Variants in DLG2 observed in about 807,000 individuals in gnomAD.
DLG2 encodes disks large homolog 2.
In DLG2, 45 loss-of-function variants were observed where a neutral mutation model predicts 132.5. That is an observed-to-expected ratio of 0.34 (90% CI 0.27 to 0.44). The LOEUF (loss-of-function observed/expected upper bound fraction) is 0.44, where lower values mean the gene tolerates loss of function less well. Ranked by LOEUF, DLG2 falls within the 20% of genes least tolerant of loss-of-function variation. The pLI, the probability that DLG2 is intolerant of heterozygous loss-of-function variation, is 1.00. For missense variants in DLG2, 1,045 were observed against 1,196.9 expected (o/e 0.87, Z 1.87); for synonymous variants, 424 against 419.6 (o/e 1.01, Z -0.13).
At chr11:84,571,502 T>C (rs1275384118) in intron 6 of DLG2, among the ~76,000 whole-genome samples, 2 of 152,044 alleles carry the variant, frequency 1.3e-5, no homozygotes, top group Non-Finnish European at 2.9e-5. Context: ...ATGCCATGCT[T>C]GGTCTCTACT....
At chr11:85,353,959 C>T (rs1266145179) in intron 3 of DLG2, among the ~76,000 whole-genome samples, 1 of 150,432 alleles carries the variant, frequency 6.6e-6, no homozygotes, top group Non-Finnish European at 1.5e-5. Context: ...GCACGTCGTG[C>T]ACATGTACCC....
chr11:84,183,331 T>C (rs1225956695), intron 8 of DLG2, among the ~76,000 whole-genome samples: 1 of 152,180 alleles, frequency 6.6e-6, no homozygotes, highest in Non-Finnish European at 1.5e-5. Flanking sequence ...TGTAAGTTCA[T>C]CAGTTGTAAC....
chr11:84,209,017 T>C (rs1470207605), intron 8 of DLG2, among the ~76,000 whole-genome samples: 1 of 152,196 alleles, frequency 6.6e-6, no homozygotes, highest in Non-Finnish European at 1.5e-5. Context: ...AAATTATAGA[T>C]ATATGTGTAT....
At chr11:83,520,695 G>A (rs9326441) in intron 21 of DLG2, among the ~76,000 whole-genome samples, 9 of 149,030 alleles carry the variant, frequency 6.0e-5, no homozygotes, top group South Asian at 2.2e-4. Context: ...AAGTAGGTAG[G>A]TAGATAGATA....
At chr11:85,557,234 G>C (rs1389547126) in intron 3 of DLG2, among the ~76,000 whole-genome samples, 1 of 151,618 alleles carries the variant, frequency 6.6e-6, no homozygotes, top group East Asian at 1.9e-4. Flanking sequence ...AAATACCTAA[G>C]ACTACATCTA....
chr11:85,025,707 A>C (rs1217347716), intron 6 of DLG2, among the ~76,000 whole-genome samples: 2 of 152,190 alleles, frequency 1.3e-5, no homozygotes, highest in Non-Finnish European at 2.9e-5. Context: ...TATTCTGTAA[A>C]AGTTGGCTAA....
At chr11:83,683,914 G>T (rs1225891127) in intron 18 of DLG2, among the ~76,000 whole-genome samples, 3 of 152,046 alleles carry the variant, frequency 2.0e-5, no homozygotes, top group Non-Finnish European at 4.4e-5. Flanking sequence ...GTGCTGGGCT[G>T]CTGGCCCAGC....
chr11:84,337,657 G>A (rs531890998), intron 7 of DLG2, among the ~76,000 whole-genome samples: 33 of 152,026 alleles, frequency 2.2e-4, no homozygotes, highest in Non-Finnish European at 3.5e-4. Flanking sequence ...TGGTACCTCT[G>A]ACTAGGTCTC....
At chr11:84,118,739 G>A (rs541858128) in intron 9 of DLG2, among the ~76,000 whole-genome samples, 4 of 152,214 alleles carry the variant, frequency 2.6e-5, no homozygotes, top group South Asian at 2.1e-4. Context: ...TCTAATTTGC[G>A]GTAGAAATAA....
chr11:85,154,756 A>G (rs762384856), intron 4 of DLG2, 105 bp from the exon 5 acceptor site: 5 of 580,172 alleles, frequency 8.6e-6, no homozygotes, highest in Non-Finnish European at 1.5e-5. Flanking sequence ...GCCTGAATAA[A>G]TATTAGATGT....
rs4944514 is a variant in DLG2 at position 85,247,566 on chromosome 11, A to T, written c.186+37654T>A. Reference sequence around the variant, plus strand: ...ATTTTCTTGTTATTAGTAATTGAATAAAAAAAATTATTCAATTTTCTTGTT... The same window carrying T: ...ATTTTCTTGTTATTAGTAATTGAATTAAAAAAATTATTCAATTTTCTTGTT... On this transcript the variant is annotated intron_variant, in intron 4 of 27. Coordinates refer to ENST00000376104, the MANE Select transcript of DLG2 (RefSeq NM_001142699.3). Among the ~76,000 whole-genome samples, 582 of 151,994 alleles carry T rather than the reference A, an allele frequency of 3.8e-3. 3 individuals carry two copies. The highest frequency in any genetic ancestry group is 6.8e-3 in the Middle Eastern group (2 of 292).
chr11:83,605,878 GA>G (rs1417275849), intron 19 of DLG2, among the ~76,000 whole-genome samples: 2 of 152,204 alleles, frequency 1.3e-5, no homozygotes, highest in Non-Finnish European at 2.9e-5. Context: ...ATCAAGCCAT[GA>G]AAGGTAGCAA....
At chr11:84,787,939 CAAAA>C (rs35771669) in intron 6 of DLG2, among the ~76,000 whole-genome samples, 2 of 140,902 alleles carry the variant, frequency 1.4e-5, no homozygotes, top group Non-Finnish European at 3.1e-5. Context: ...TCTCTACTTA[CAAAA>C]AAAAAAAAAT....
At chr11:84,613,309 C>T (rs905683310) in intron 6 of DLG2, among the ~76,000 whole-genome samples, 7 of 152,050 alleles carry the variant, frequency 4.6e-5, no homozygotes, top group African/African-American at 1.7e-4. Flanking sequence ...GGAAAAGAGT[C>T]TCTGTGATCT....
At chr11:85,256,113 T>G (rs1252083032) in intron 4 of DLG2, among the ~76,000 whole-genome samples, 2 of 152,206 alleles carry the variant, frequency 1.3e-5, no homozygotes, top group Non-Finnish European at 2.9e-5. Flanking sequence ...CCTGTTTTTG[T>G]GTCCAGATGT....
intron 7 of DLG2, among the ~76,000 whole-genome samples, chr11:84,353,162 C>G (rs2098590854): frequency 6.6e-6 from 1 of 152,190 alleles, no homozygotes; most frequent in African/African-American, 2.4e-5. Context: ...CTCTCACTTG[C>G]TTCTCAACTT....
intron 17 of DLG2, among the ~76,000 whole-genome samples, chr11:83,811,749 G>A (rs1482019535): frequency 6.6e-6 from 1 of 152,130 alleles, no homozygotes; most frequent in Non-Finnish European, 1.5e-5. Flanking sequence ...AGGGAAAAGA[G>A]TAAATCTTTG....
intron 14 of DLG2, 143 bp from the exon 15 acceptor site, chr11:83,930,626 C>T (rs2080001421): frequency 1.2e-6 from 1 of 828,708 alleles, no homozygotes; most frequent in African/African-American, 1.7e-5. Context: ...CCCAATTTTC[C>T]ACTTGTAACT....
At chr11:85,109,476 T>C (rs1007770750) in intron 6 of DLG2, among the ~76,000 whole-genome samples, 11 of 152,072 alleles carry the variant, frequency 7.2e-5, no homozygotes, top group Non-Finnish European at 1.6e-4. Flanking sequence ...AACTAGGACC[T>C]AATCTGGGAT....
Sources: allele counts gnomAD v4.1 joint callset (sites outside exome capture counted in the v4.1 genomes callset), GRCh38; gene constraint gnomAD v4.1.1; transcripts MANE v1.5; gene names NCBI Gene and HGNC (gene_info 2026-07-23, HGNC 2026-07-21).